RBFOX1: variants seen among roughly 807,000 people sequenced by gnomAD.
The protein encoded by RBFOX1 is RNA binding protein fox-1 homolog 1.
Under a neutral mutation model 57.7 loss-of-function variants are expected in RBFOX1, and 8 were observed. The ratio of observed to expected loss-of-function variants is 0.14; its 90% CI spans 0.08 to 0.25. The LOEUF is 0.25. Among genes scored for constraint, RBFOX1 ranks in the 10% least tolerant of loss-of-function variants. RBFOX1 has a pLI of 1.00. For synonymous variants in RBFOX1, 326 were observed against 222.4 expected, an observed-to-expected ratio of 1.47 and a Z score of -4.15; for missense variants, 611 against 548.5, an observed-to-expected ratio of 1.11 and a Z score of -1.14.
chr16:6,790,805 G>A (rs1231841452), intron 3 of RBFOX1, among the ~76,000 whole-genome samples: 1 of 152,124 alleles, frequency 6.6e-6, no homozygotes, highest in Non-Finnish European at 1.5e-5. Flanking sequence ...TTCTGCTAGA[G>A]GGTGGTATTT....
At chr16:7,622,691 T>C (rs564978647) in intron 10 of RBFOX1, among the ~76,000 whole-genome samples, 2 of 152,266 alleles carry the variant, frequency 1.3e-5, no homozygotes, top group South Asian at 4.2e-4. Context: ...ATTTACACTA[T>C]AGACAGATGC....
chr16:6,449,380 G>T (rs1048145546), intron 2 of RBFOX1, among the ~76,000 whole-genome samples: 8 of 152,206 alleles, frequency 5.3e-5, no homozygotes, highest in African/African-American at 1.9e-4. Context: ...AATTGCAGTG[G>T]CTTTGTTTCG....
At chr16:5,655,475 T>G (rs1298097868) in intron 3 of RBFOX1, among the ~76,000 whole-genome samples, 1 of 152,200 alleles carries the variant, frequency 6.6e-6, no homozygotes, top group African/African-American at 2.4e-5. Context: ...AACAGCTGGC[T>G]GGAAGAACAC....
intron 1 of RBFOX1, among the ~76,000 whole-genome samples, chr16:5,386,432 G>A (rs1298138490): frequency 6.6e-6 from 1 of 152,070 alleles, no homozygotes; most frequent in Non-Finnish European, 1.5e-5. Context: ...ACGCAAGAGG[G>A]CTGTTCCTAG....
chr16:5,728,403 G>A (rs1417339713), intron 3 of RBFOX1, among the ~76,000 whole-genome samples: 1 of 152,174 alleles, frequency 6.6e-6, no homozygotes, highest in Non-Finnish European at 1.5e-5. Flanking sequence ...GAATGGTCTT[G>A]TGGAAGCATT....
chr16:6,440,395 C>T (rs1340709022), intron 2 of RBFOX1, among the ~76,000 whole-genome samples: 1 of 152,194 alleles, frequency 6.6e-6, no homozygotes, highest in East Asian at 1.9e-4. Flanking sequence ...CTTAACCAAG[C>T]TTATAATTTG....
intron 3 of RBFOX1, among the ~76,000 whole-genome samples, chr16:6,821,000 A>G (rs894491363): frequency 6.6e-6 from 1 of 152,192 alleles, no homozygotes; most frequent in Non-Finnish European, 1.5e-5. Context: ...CTTGTAAGGG[A>G]GTCTTAGGGT....
intron 4 of RBFOX1, among the ~76,000 whole-genome samples, chr16:5,868,384 C>T (rs762865118): frequency 6.6e-6 from 1 of 152,210 alleles, no homozygotes; most frequent in Non-Finnish European, 1.5e-5. Flanking sequence ...ATTGCAACCT[C>T]AGGCATAAAT....
chr16:6,854,581 A>C (rs1328556493), intron 3 of RBFOX1, among the ~76,000 whole-genome samples: 1 of 104,470 alleles, frequency 9.6e-6, no homozygotes, highest in Non-Finnish European at 2.1e-5. Context: ...CAACTAGGAG[A>C]GGTGAATTTT....
chr16:6,100,629 T>C (rs187914759), intron 1 of RBFOX1, among the ~76,000 whole-genome samples: 4 of 152,330 alleles, frequency 2.6e-5, no homozygotes, highest in African/African-American at 9.6e-5. Context: ...TTTATTGAGT[T>C]GCTATAGTAG....
intron 2 of RBFOX1, among the ~76,000 whole-genome samples, chr16:6,462,062 A>G (rs1302539903): frequency 1.3e-5 from 2 of 152,182 alleles, no homozygotes; most frequent in Non-Finnish European, 2.9e-5. Context: ...TTCCTTTTCA[A>G]CAACATTTTT....
At chr16:6,616,337 A>C (rs531453799) in intron 2 of RBFOX1, among the ~76,000 whole-genome samples, 41 of 152,024 alleles carry the variant, frequency 2.7e-4, no homozygotes, top group African/African-American at 9.9e-4. Context: ...ATCCACCCCC[A>C]ACCGTGCCCA....
chr16:5,622,874 G>C (rs2078357), intron 3 of RBFOX1, among the ~76,000 whole-genome samples: 132,505 of 152,282 alleles, frequency 0.87, 58,147 homozygotes, highest in African/African-American at 0.93. Context: ...CATGTGCAGA[G>C]TTTGTTTTCT....
At chr16:5,490,219 T>A (rs2042780567) in intron 2 of RBFOX1, among the ~76,000 whole-genome samples, 1 of 152,354 alleles carries the variant, frequency 6.6e-6, no homozygotes, top group East Asian at 1.9e-4. Context: ...CTCGTTCATT[T>A]TGGGAAGGGC....
rs570538818 is a variant in RBFOX1, at chr16:6,927,148, C to T, written c.-15-124909C>T. Among the ~76,000 whole-genome samples, 4 of 152,146 alleles carry T rather than the reference C, an allele frequency of 2.6e-5. No individual in the cohort carries two copies. In the South Asian group the frequency reaches 8.3e-4, roughly 32 times the overall value. ...ATCCCCTAGAGACTTAGAGGGTCCC[C>T]ACCCTCAGAAGTTCTGAATTGTTAG... On this transcript the variant is annotated intron_variant, in intron 3 of 15. Coordinates refer to ENST00000550418, the MANE Select transcript of RBFOX1 (RefSeq NM_018723.4).
chr16:6,974,802 G>T (rs2086442107), intron 3 of RBFOX1, among the ~76,000 whole-genome samples: 1 of 152,114 alleles, frequency 6.6e-6, no homozygotes, highest in Admixed American at 6.6e-5. Flanking sequence ...GATGAAGTTT[G>T]CCAGTCACTC....
At chr16:5,883,737 T>TA (rs1439979162) in intron 4 of RBFOX1, among the ~76,000 whole-genome samples, 6 of 152,230 alleles carry the variant, frequency 3.9e-5, no homozygotes, top group Non-Finnish European at 7.4e-5. Context: ...GTGATTTTTT[T>TA]AAAAAAAATC....
At chr16:6,875,610 G>C (rs900131452) in intron 3 of RBFOX1, among the ~76,000 whole-genome samples, 1 of 152,218 alleles carries the variant, frequency 6.6e-6, no homozygotes, top group Non-Finnish European at 1.5e-5. Context: ...TTTCAGCAGA[G>C]AAGGTTAGAG....
intron 3 of RBFOX1, among the ~76,000 whole-genome samples, chr16:5,751,730 G>T (rs759410249): frequency 2.6e-5 from 4 of 152,178 alleles, no homozygotes; most frequent in Non-Finnish European, 5.9e-5. Flanking sequence ...TTGCAATTAA[G>T]TAAGAGAACT....
Sources: allele counts gnomAD v4.1 joint callset (sites outside exome capture counted in the v4.1 genomes callset), GRCh38; gene constraint gnomAD v4.1.1; transcripts MANE v1.5; gene names NCBI Gene and HGNC (gene_info 2026-07-23, HGNC 2026-07-21).